ADAMTSL3: variants seen among roughly 807,000 people sequenced by gnomAD.
The protein encoded by ADAMTSL3 is ADAMTS like 3.
In ADAMTSL3, 128 loss-of-function variants were observed where a neutral mutation model predicts 201.7. The observed-to-expected ratio is 0.63, with a 90% confidence interval of 0.55 to 0.73. The LOEUF (loss-of-function observed/expected upper bound fraction) is 0.73, where lower values mean the gene tolerates loss of function less well. Ranked by LOEUF, ADAMTSL3 falls within the 30% of genes least tolerant of loss-of-function variation. The pLI, the probability that ADAMTSL3 is intolerant of heterozygous loss-of-function variation, is 0.00. For missense variants in ADAMTSL3, 1,990 were observed against 2,119.6 expected, an observed-to-expected ratio of 0.94 and a Z score of 1.20; for synonymous variants, 738 against 748.4, an observed-to-expected ratio of 0.99 and a Z score of 0.23.
chr15:83,682,443 A>G (rs527941240), intron 2 of ADAMTSL3, among the ~76,000 whole-genome samples: 92 of 152,290 alleles, frequency 6.0e-4, no homozygotes, highest in African/African-American at 2.0e-3. Flanking sequence ...TCTCTGTCGT[A>G]TGTCACTCTT....
intron 26 of ADAMTSL3, among the ~76,000 whole-genome samples, chr15:84,022,559 C>G (rs1359344511): frequency 1.3e-5 from 2 of 152,186 alleles, no homozygotes; most frequent in Admixed American, 1.3e-4. Flanking sequence ...TTTTGCTTTG[C>G]AAATGATGCC....
chr15:83,963,125 T>C (rs1456710845), intron 19 of ADAMTSL3, among the ~76,000 whole-genome samples: 2 of 151,726 alleles, frequency 1.3e-5, no homozygotes, highest in Non-Finnish European at 1.5e-5. Context: ...CTGCAGGAGG[T>C]TTTTTTCATA....
chr15:83,832,107 G>A (rs763549655), intron 6 of ADAMTSL3, among the ~76,000 whole-genome samples: 3 of 152,154 alleles, frequency 2.0e-5, no homozygotes, highest in Non-Finnish European at 4.4e-5. Context: ...TTTGGTATGG[G>A]AATGGACAGG....
intron 4 of ADAMTSL3, among the ~76,000 whole-genome samples, chr15:83,776,496 T>A (rs1348204084): frequency 1.3e-5 from 2 of 152,152 alleles, no homozygotes; most frequent in Non-Finnish European, 2.9e-5. Context: ...GGCGGGTGGA[T>A]CACCTGAGAT....
intron 17 of ADAMTSL3, among the ~76,000 whole-genome samples, chr15:83,938,143 T>C (rs1457441384): frequency 6.8e-6 from 1 of 148,068 alleles, no homozygotes; most frequent in Non-Finnish European, 1.5e-5. Flanking sequence ...CAAAACCTTG[T>C]AAAACTCAGA....
At chr15:83,793,130 A>T (rs1023056305) in intron 4 of ADAMTSL3, among the ~76,000 whole-genome samples, 1 of 152,208 alleles carries the variant, frequency 6.6e-6, no homozygotes, top group African/African-American at 2.4e-5. Context: ...GACGCTAAAA[A>T]AGTTGATCTC....
At chr15:83,924,260 C>T (rs950389067) in intron 17 of ADAMTSL3, among the ~76,000 whole-genome samples, 4 of 152,204 alleles carry the variant, frequency 2.6e-5, no homozygotes, top group East Asian at 1.9e-4. Flanking sequence ...TTGTTTGCAT[C>T]GAACACGAAT....
chr15:83,742,361 T>C (rs2062470369), intron 3 of ADAMTSL3, among the ~76,000 whole-genome samples: 1 of 152,092 alleles, frequency 6.6e-6, no homozygotes, highest in Admixed American at 6.5e-5. Context: ...TAGAGAAAAC[T>C]TCCTATTAAA....
At chr15:83,790,443 A>G (rs74699341) in intron 4 of ADAMTSL3, among the ~76,000 whole-genome samples, 5,568 of 151,762 alleles carry the variant, frequency 0.037, 328 homozygotes, top group African/African-American at 0.13. Context: ...AAGTCAATCA[A>G]TGTAATCTAG....
intron 19 of ADAMTSL3, among the ~76,000 whole-genome samples, chr15:83,964,106 A>G (rs1214391087): frequency 6.6e-6 from 1 of 152,104 alleles, no homozygotes; most frequent in Admixed American, 6.5e-5. Flanking sequence ...AAAAACCAGA[A>G]CACCTCTTCA....
chr15:84,036,913 CT>C lies in ADAMTSL3; in HGVS notation c.4896del (p.Val1633TrpfsTer37). 6.2e-7 allele frequency: 1 copy of C among 1,614,144 alleles called. No homozygotes were observed. On this transcript the variant is annotated frameshift_variant, in exon 29 of 30. Coordinates refer to ENST00000286744, the MANE Select transcript of ADAMTSL3 (RefSeq NM_207517.3). LOFTEE classifies it high-confidence loss of function. The stretch of plus-strand genomic sequence containing the variant: ...TGTATCCACACAAGGAGTTGCAAAC[CT>C]GTGGCCAAGAGACACTGTGTACAGA... ...VDCIHTRSCK[P>X]VAKRHCVQKK...
At chr15:83,835,187 T>TCAA in intron 6 of ADAMTSL3, among the ~76,000 whole-genome samples, 1 of 150,178 alleles carries the variant, frequency 6.7e-6, no homozygotes, top group Admixed American at 6.7e-5. Flanking sequence ...TGAGCTGAGA[T>TCAA]TGCACCACTG....
intron 23 of ADAMTSL3, among the ~76,000 whole-genome samples, chr15:83,997,586 T>A (rs752062313): frequency 6.6e-6 from 1 of 151,986 alleles, no homozygotes; most frequent in Non-Finnish European, 1.5e-5. Context: ...TAAGACTCCG[T>A]CTCAAAAAAC....
intron 16 of ADAMTSL3, among the ~76,000 whole-genome samples, chr15:83,916,515 G>C (rs938082936): frequency 5.3e-5 from 8 of 151,848 alleles, no homozygotes; most frequent in Non-Finnish European, 1.2e-4. Context: ...TAATTTCTTG[G>C]GTTAAAAAGT....
intron 8 of ADAMTSL3, among the ~76,000 whole-genome samples, chr15:83,865,631 TA>T (rs1294058894): frequency 6.6e-6 from 1 of 152,218 alleles, no homozygotes; most frequent in Admixed American, 6.5e-5. Context: ...ATTAAAGACT[TA>T]AATGTTTGAC....
At chr15:83,672,409 G>C (rs925822636) in intron 2 of ADAMTSL3, among the ~76,000 whole-genome samples, 9 of 152,208 alleles carry the variant, frequency 5.9e-5, no homozygotes, top group Non-Finnish European at 1.3e-4. Context: ...CTTTTGCTAA[G>C]GTGAAGGCAG....
rs777267435 is a variant in ADAMTSL3 at position 83,982,483 on chromosome 15, GC to G, written c.2857del (p.Leu953CysfsTer15). 1 of 1,614,172 alleles carries G rather than the reference GC, an allele frequency of 6.2e-7. No homozygotes were observed. Among genetic ancestry groups the G allele is most frequent in the South Asian group, 1.1e-5 (1 of 91,084 alleles). On this transcript the variant is annotated frameshift_variant, in exon 21 of 30. Transcript: ENST00000286744. LOFTEE classifies it high-confidence loss of function. ...SLIQWEKDGR[C>X]LQNSKRLGIT... ...ATCCAGTGGGAGAAGGATGGCCGTTGCCTGCAGAACTCCAAACGGCTTGGCA... is the reference window on the plus strand; with the variant it reads ...ATCCAGTGGGAGAAGGATGGCCGTTGCTGCAGAACTCCAAACGGCTTGGCA...
intron 2 of ADAMTSL3, among the ~76,000 whole-genome samples, chr15:83,664,622 T>C (rs769808733): frequency 5.9e-5 from 9 of 152,174 alleles, no homozygotes; most frequent in Non-Finnish European, 1.0e-4. Flanking sequence ...CCTCTCAGTT[T>C]CCATTGATGC....
rs192594836 is a variant in ADAMTSL3 at position 83,858,693 on chromosome 15, T to G, written c.728-73T>G. The G allele has an allele frequency of 4.1e-6, 5 of 1,233,876 alleles. No individual in the cohort carries two copies. The African/African-American group carries it at 6.1e-5, about 15-fold the overall frequency. 76.4% of individuals were successfully genotyped at this position (1,233,876 alleles called of 1,614,324 possible). A position where few individuals can be genotyped will look rare whatever the true frequency, so the allele number is the denominator to read the frequency against. ...GAATATTTTGCAGACGCCCCCAGTT[T>G]TGATTGACTTGCTCATTTTCATGGG... On this transcript the variant is annotated intron_variant, in intron 7 of 29. Coordinates refer to ENST00000286744, the MANE Select transcript of ADAMTSL3 (RefSeq NM_207517.3).
Sources: allele counts gnomAD v4.1 joint callset (sites outside exome capture counted in the v4.1 genomes callset), GRCh38; gene constraint gnomAD v4.1.1; transcripts MANE v1.5; gene names NCBI Gene and HGNC (gene_info 2026-07-23, HGNC 2026-07-21).